Variants in MARCHF1 observed in about 807,000 individuals in gnomAD.
MARCHF1 encodes the protein E3 ubiquitin-protein ligase MARCHF1.
In MARCHF1, 40 loss-of-function variants were observed where a neutral mutation model predicts 54.2. The observed-to-expected ratio is 0.74, with a 90% CI of 0.57 to 0.96. The LOEUF (loss-of-function observed/expected upper bound fraction) is 0.96, where lower values mean the gene tolerates loss of function less well. MARCHF1 is among the 40% of genes least tolerant of loss of function. The pLI is 0.00. For synonymous variants in MARCHF1, 236 were observed against 236.3 expected (o/e 1.00, Z 0.01); for missense variants, 586 against 656.5 (o/e 0.89, Z 1.17).
intron 4 of MARCHF1, among the ~76,000 whole-genome samples, chr4:163,796,394 T>C (rs1030127060): frequency 3.9e-5 from 6 of 151,922 alleles, no homozygotes; most frequent in Admixed American, 6.6e-5. Flanking sequence ...GCTCGGCTAA[T>C]TTTTTTGTAG....
intron 4 of MARCHF1, among the ~76,000 whole-genome samples, chr4:163,706,439 T>C (rs1744951915): frequency 1.3e-5 from 2 of 152,028 alleles, no homozygotes; most frequent in Non-Finnish European, 2.9e-5. Context: ...TCTATCCTAA[T>C]GGAAACACTA....
At chr4:164,190,848 G>C (rs970510118) in intron 1 of MARCHF1, among the ~76,000 whole-genome samples, 4 of 152,128 alleles carry the variant, frequency 2.6e-5, no homozygotes, top group African/African-American at 9.7e-5. Flanking sequence ...ACTTTTTAGG[G>C]CAGAGGACAC....
In MARCHF1 at chr4:164,098,511, C is replaced by G. The variant is rs550218917; in HGVS notation, c.-248+13077G>C. Among the ~76,000 whole-genome samples, 161 of 152,318 alleles carry G rather than the reference C, an allele frequency of 1.1e-3. 1 individual carries two copies. The highest frequency in any genetic ancestry group is 3.7e-3 in the African/African-American group (154 of 41,580). On this transcript the variant is annotated intron_variant, in intron 2 of 9. Transcript: ENST00000514618. The stretch of plus-strand genomic sequence containing the variant: ...CTCTAGTTGAGTTCATGGTGTACTT[C>G]AGTCTTATTTCATGCTGTGACATTC...
chr4:163,869,179 C>T (rs776322386), intron 3 of MARCHF1, among the ~76,000 whole-genome samples: 6 of 151,756 alleles, frequency 4.0e-5, no homozygotes, highest in African/African-American at 7.3e-5. Flanking sequence ...TCAAAGACTA[C>T]GTGAGTGAGT....
chr4:164,208,128 A>T (rs1056944009), intron 1 of MARCHF1, among the ~76,000 whole-genome samples: 1 of 152,144 alleles, frequency 6.6e-6, no homozygotes, highest in South Asian at 2.1e-4. Flanking sequence ...GTGTCAAGGG[A>T]TTAACTCATC....
chr4:163,895,146 C>G (rs934471806), intron 3 of MARCHF1, among the ~76,000 whole-genome samples: 6 of 152,112 alleles, frequency 3.9e-5, no homozygotes, highest in African/African-American at 1.4e-4. Context: ...CATAGAATAC[C>G]TATATAAGAC....
chr4:163,564,927 G>T (rs971052453), intron 8 of MARCHF1, among the ~76,000 whole-genome samples: 4 of 151,940 alleles, frequency 2.6e-5, no homozygotes, highest in Middle Eastern at 3.4e-3. Context: ...CTGTCATAGA[G>T]TCTCACAGAA....
At chr4:164,060,767 A>G (rs1263642610) in intron 2 of MARCHF1, among the ~76,000 whole-genome samples, 1 of 152,176 alleles carries the variant, frequency 6.6e-6, no homozygotes, top group East Asian at 1.9e-4. Context: ...CAACAGTTGC[A>G]ATTAAACAAA....
intron 2 of MARCHF1, among the ~76,000 whole-genome samples, chr4:164,027,392 A>AAAAAAAAAAAAAACAAAAAAAAAT (rs1553971149): frequency 1.7e-5 from 1 of 58,982 alleles, no homozygotes; most frequent in Non-Finnish European, 3.3e-5. Flanking sequence ...AAAAAAAAAA[A>AAAAAAAAAAAAAACAAAAAAAAAT]AGATACATAG....
chr4:164,356,524 C>A (rs1483353204), intron 1 of MARCHF1, among the ~76,000 whole-genome samples: 1 of 126,440 alleles, frequency 7.9e-6, no homozygotes, highest in Non-Finnish European at 1.8e-5. Flanking sequence ...GAACAAAAAA[C>A]CAAACACCGC....
At chr4:163,928,645 G>T (rs1022200289) in intron 3 of MARCHF1, among the ~76,000 whole-genome samples, 13 of 151,886 alleles carry the variant, frequency 8.6e-5, no homozygotes, top group African/African-American at 3.1e-4. Context: ...AATCAAGTTT[G>T]CAGCAGCCTT....
At chr4:163,700,731 T>C (rs9308064) in intron 5 of MARCHF1, 82 bp downstream of exon 5, 490,724 of 1,038,568 alleles carry the variant, frequency 0.47, 120,227 homozygotes, top group Non-Finnish European at 0.51. Flanking sequence ...CAGATAACAA[T>C]TATAGGTTAA....
chr4:164,351,510 C>G (rs1238144110), intron 1 of MARCHF1, among the ~76,000 whole-genome samples: 4 of 151,886 alleles, frequency 2.6e-5, no homozygotes, highest in African/African-American at 9.7e-5. Flanking sequence ...ACACTGACAC[C>G]TCACACGGCA....
chr4:163,886,393 G>A (rs1158783871), intron 3 of MARCHF1, among the ~76,000 whole-genome samples: 4 of 150,694 alleles, frequency 2.7e-5, no homozygotes, highest in East Asian at 1.9e-4. Context: ...CTAGAGAGAC[G>A]GGGGGAGGGA....
intron 1 of MARCHF1, among the ~76,000 whole-genome samples, chr4:164,155,484 C>T (rs1730053290): frequency 6.6e-6 from 1 of 152,094 alleles, no homozygotes. Context: ...GATTTTGATG[C>T]AGCAAAATAT....
At chr4:164,193,870 A>G (rs960173195) in intron 1 of MARCHF1, among the ~76,000 whole-genome samples, 2 of 152,220 alleles carry the variant, frequency 1.3e-5, no homozygotes, top group Non-Finnish European at 2.9e-5. Context: ...CTAAGAAGCA[A>G]CTGGCTTTTG....
In MARCHF1 at chr4:164,159,032, GTGGTTAA is replaced by G. The variant is rs1730158682; in HGVS notation, c.-322-47377_-322-47371del. Among the ~76,000 whole-genome samples, 3 of 152,182 alleles carry G rather than the reference GTGGTTAA, an allele frequency of 2.0e-5. No homozygotes were observed. In the South Asian group the frequency reaches 6.2e-4, roughly 32 times the overall value. On this transcript the variant is annotated intron_variant, in intron 1 of 9. Transcript: ENST00000514618. ...TGCTTGAGATTCCAGTAACAGCACT[GTGGTTAA>G]GAACACAGGCTCTGCAATTAGACAA...
chr4:163,572,764 C>T (rs1739885200), intron 8 of MARCHF1, among the ~76,000 whole-genome samples: 1 of 151,964 alleles, frequency 6.6e-6, no homozygotes, highest in East Asian at 1.9e-4. Flanking sequence ...CAAAGCTAGC[C>T]CATTACTCAC....
At position 164,130,405 on chromosome 4, in the gene MARCHF1, TC is replaced by T. The variant is rs139781984; in HGVS notation, c.-322-18744del. The stretch of plus-strand genomic sequence containing the variant: ...GATTTCTGAAGAAAGGACAGATTAT[TC>T]AGAAAGCAGTTTACTGTTCCCTTTT... On this transcript the variant is annotated intron_variant, in intron 1 of 9. Transcript: ENST00000514618. Among the ~76,000 whole-genome samples, 148 of 152,270 alleles carry T rather than the reference TC, an allele frequency of 9.7e-4. 3 individuals carry two copies. In the East Asian group the frequency reaches 0.026, roughly 27 times the overall value.
Sources: gnomAD v4.1 joint callset for allele counts (sites outside exome capture counted in the v4.1 genomes callset) on GRCh38, gnomAD v4.1.1 for gene constraint, MANE v1.5 for transcripts, NCBI Gene and HGNC (gene_info 2026-07-23, HGNC 2026-07-21) for gene names.